Variants in PARD6G observed in about 807,000 individuals in gnomAD.
The protein encoded by PARD6G is partitioning defective 6 homolog gamma.
PARD6G carries 7 observed loss-of-function variants against 10.7 expected under a neutral mutation model. That is an observed-to-expected ratio of 0.66 (90% CI 0.37 to 1.23). The LOEUF is 1.23. Among genes scored for constraint, PARD6G ranks in the 50% most tolerant of loss-of-function variants. The pLI is 0.02. For missense variants in PARD6G, 548 were observed against 571.8 expected (o/e 0.96, Z 0.42); for synonymous variants, 287 against 269.4 (o/e 1.07, Z -0.64).
intron 1 of PARD6G, among the ~76,000 whole-genome samples, chr18:80,207,638 C>G (rs1967066472): frequency 6.6e-6 from 1 of 152,132 alleles, no homozygotes; most frequent in Non-Finnish European, 1.5e-5. Flanking sequence ...CATATTAGCT[C>G]TTTTTAAGTG....
chr18:80,193,994 C>T (rs1029370776), intron 2 of PARD6G, among the ~76,000 whole-genome samples: 1 of 152,088 alleles, frequency 6.6e-6, no homozygotes, highest in Non-Finnish European at 1.5e-5. Flanking sequence ...ATGGAAAGTA[C>T]AGAGATATGG....
At chr18:80,238,061 G>A (rs1462436024) in intron 1 of PARD6G, among the ~76,000 whole-genome samples, 6 of 152,124 alleles carry the variant, frequency 3.9e-5, no homozygotes, top group African/African-American at 7.2e-5. Flanking sequence ...TGTTTACTGC[G>A]GCACTGTTCA....
In PARD6G at chr18:80,223,532, G is replaced by A. The variant is rs377192373; in HGVS notation, c.73-20600C>T. 5.9e-5 allele frequency among the ~76,000 whole-genome samples: 9 copies of A among 152,126 alleles called. 1 individual carries two copies. Among genetic ancestry groups the A allele is most frequent in the Non-Finnish European group, 8.8e-5 (6 of 68,022 alleles). On this transcript the variant is annotated intron_variant, in intron 1 of 2. Transcript: ENST00000353265. ...TCAAAAGCATAGGAGTCACTACCTC[G>A]GACTCACCAGGTTGGCTGTAATAAA... is the stretch of plus-strand genomic sequence containing the variant.
chr18:80,176,580 G>A (rs2052808909), intron 2 of PARD6G, among the ~76,000 whole-genome samples: 1 of 152,188 alleles, frequency 6.6e-6, no homozygotes, highest in Non-Finnish European at 1.5e-5. Context: ...GTTGGCCAGG[G>A]TGGGGAGAAG....
chr18:80,177,617 C>G (rs920027326), intron 2 of PARD6G, among the ~76,000 whole-genome samples: 1 of 150,624 alleles, frequency 6.6e-6, no homozygotes, highest in Non-Finnish European at 1.5e-5. Flanking sequence ...CACAGACACA[C>G]AGAATAAATC....
At position 80,200,548 on chromosome 18, in the gene PARD6G, G is replaced by A. The variant is rs929758084; in HGVS notation, c.295+2162C>T. Among the ~76,000 whole-genome samples the A allele has an allele frequency of 5.9e-5, 9 of 152,060 alleles. No homozygotes were observed. Among genetic ancestry groups the A allele is most frequent in the African/African-American group, 2.2e-4 (9 of 41,374 alleles). ...TGTCACAAAGCCAGGGAGAAGGTGGGGTCTGAGTTCAGGTCTCCCTAGCTC... is the reference window on the plus strand; with the variant it reads ...TGTCACAAAGCCAGGGAGAAGGTGGAGTCTGAGTTCAGGTCTCCCTAGCTC... On this transcript the variant is annotated intron_variant, in intron 2 of 2. Transcript: ENST00000353265. This position sits in a 1 kb window ranked among gnomAD's most constrained non-coding sequence, Gnocchi z 4.4.
At position 80,159,841 on chromosome 18, in the gene PARD6G, G is replaced by C. The variant is rs555385464; in HGVS notation, c.1061C>G (p.Ala354Gly). 9.8e-5 allele frequency: 146 copies of C among 1,495,132 alleles called. 1 individual carries two copies. The African/African-American group carries it at 1.9e-3, about 20-fold the overall frequency. 92.6% of individuals were successfully genotyped at this position (1,495,132 alleles called of 1,614,324 possible). ...GLQRLLSSLR[A>G]DPRHSLALPP... ...CAGCGCCAGGCTGTGACGGGGGTCG[G>C]CCCGCAGGGAGCTGAGCAGCCGCTG... is the stretch of plus-strand genomic sequence containing the variant. Residue 354 changes from alanine (A) to glycine (G), a missense_variant, in exon 3 of 3, where the codon GCC (alanine) becomes GGC (glycine). Ala to Gly is a moderately conservative substitution (Grantham distance 60). Transcript: ENST00000353265.
At chr18:80,217,110 C>T (rs998305798) in intron 1 of PARD6G, among the ~76,000 whole-genome samples, 2 of 152,100 alleles carry the variant, frequency 1.3e-5, no homozygotes, top group African/African-American at 4.8e-5. Context: ...CAAAACAAAA[C>T]AAAGCCCATA....
At chr18:80,237,605 A>T (rs1190032778) in intron 1 of PARD6G, among the ~76,000 whole-genome samples, 1 of 152,248 alleles carries the variant, frequency 6.6e-6, no homozygotes, top group Admixed American at 6.5e-5. Flanking sequence ...TACTCATCTG[A>T]CAAAGGGCTA....
chr18:80,165,080 G>A (rs918993754), intron 2 of PARD6G, among the ~76,000 whole-genome samples: 7 of 152,284 alleles, frequency 4.6e-5, no homozygotes, highest in Admixed American at 2.0e-4. Flanking sequence ...AACAGGGTTC[G>A]AGAGCAGAGA....
intron 2 of PARD6G, among the ~76,000 whole-genome samples, chr18:80,199,494 T>A (rs566421621): frequency 6.6e-6 from 1 of 152,366 alleles, no homozygotes; most frequent in South Asian, 2.1e-4. Context: ...CTATGAACAT[T>A]CGTGTACTTT....
At position 80,202,712 on chromosome 18, in the gene PARD6G, C is replaced by T. The variant is rs756996372; in HGVS notation, c.293G>A (p.Arg98Gln). Residue 98 changes from arginine to glutamine, a missense_variant and splice_region_variant, in exon 2 of 3, where the codon CGA becomes CAA. Physicochemically the swap from Arg to Gln is conservative, Grantham distance 43 (BLOSUM62 1). This residue lies in a region of PARD6G where 235 missense variants were observed against 291.9 expected (regional missense o/e 0.81). Coordinates refer to ENST00000353265, the MANE Select transcript of PARD6G (RefSeq NM_032510.4). ...NPLLRVFIQK[R>Q]EEAERGSLGA... ...CGGCCACTCAACCACTTCAGTACCT[C>T]GTTTCTGGATGAAGACCCTGAGCAG... 10 of 1,612,374 alleles carry T rather than the reference C, an allele frequency of 6.2e-6. No homozygotes were observed. In the East Asian group the frequency reaches 6.7e-5, roughly 11 times the overall value.
In PARD6G at chr18:80,189,605, C is replaced by T. The variant is rs1191070281; in HGVS notation, c.295+13105G>A. ...GCTAACTGACACCACGTCAGGAGCC[C>T]ACCAGGCCAGGCAGGTCACCCTGGC... On this transcript the variant is annotated intron_variant, in intron 2 of 2. Coordinates refer to ENST00000353265, the MANE Select transcript of PARD6G (RefSeq NM_032510.4). The surrounding 1 kb of genome is among the most constrained non-coding windows in gnomAD (Gnocchi z 5.5). Among the ~76,000 whole-genome samples the T allele has an allele frequency of 6.6e-6, 1 of 152,140 alleles. No homozygotes were observed. The highest frequency in any genetic ancestry group is 1.5e-5 in the Non-Finnish European group (1 of 68,022).
chr18:80,210,808 C>T (rs74800556), intron 1 of PARD6G, among the ~76,000 whole-genome samples: 1 of 152,162 alleles, frequency 6.6e-6, no homozygotes, highest in Non-Finnish European at 1.5e-5. Context: ...AATGAACTTA[C>T]AACGAGTTAC....
intron 2 of PARD6G, among the ~76,000 whole-genome samples, chr18:80,164,462 G>A (rs760691589): frequency 1.3e-4 from 19 of 151,876 alleles, no homozygotes; most frequent in African/African-American, 2.7e-4. Flanking sequence ...TGTTTCCACC[G>A]GGTCCACACT....
intron 1 of PARD6G, among the ~76,000 whole-genome samples, chr18:80,230,307 C>A (rs745436718): frequency 2.0e-5 from 3 of 152,346 alleles, no homozygotes; most frequent in Middle Eastern, 6.8e-3. Context: ...CTAAGAAACA[C>A]AGAAAGAACT....
In PARD6G at chr18:80,159,798, C is replaced by G; in HGVS notation, c.1104G>C (p.Glu368Asp). 6.9e-7 allele frequency: 1 copy of G among 1,453,520 alleles called. No homozygotes were observed. The highest frequency in any genetic ancestry group is 9.0e-7 in the Non-Finnish European group (1 of 1,109,360). 90.0% of individuals were successfully genotyped at this position (1,453,520 alleles called of 1,614,324 possible). A position where few individuals can be genotyped will look rare whatever the true frequency, so the allele number is the denominator to read the frequency against. Residue 368 changes from glutamate (E) to aspartate (D), a missense_variant, in exon 3 of 3, where the codon GAG (glutamate) becomes GAC (aspartate). Physicochemically the swap from Glu to Asp is conservative, Grantham distance 45. Around this residue, in one of 2 missense-constraint regions of PARD6G, gnomAD observed 313 missense variants for 279.9 expected, o/e 1.12. Transcript: ENST00000353265. ...HSLALPPGGV[E>D]EHGPAVTL ...AGAGCGTGACCGCGGGCCCGTGCTCCTCCACGCCGCCTGGCGGCAGCGCCA... is the reference window on the plus strand; with the variant it reads ...AGAGCGTGACCGCGGGCCCGTGCTCGTCCACGCCGCCTGGCGGCAGCGCCA...
At chr18:80,213,889 C>T (rs1216530895) in intron 1 of PARD6G, among the ~76,000 whole-genome samples, 7 of 138,090 alleles carry the variant, frequency 5.1e-5, no homozygotes, top group African/African-American at 1.9e-4. Flanking sequence ...ATCCGGAAGG[C>T]AGAGCTTGCA....
At chr18:80,222,362 T>G (rs1366548610) in intron 1 of PARD6G, among the ~76,000 whole-genome samples, 1 of 152,184 alleles carries the variant, frequency 6.6e-6, no homozygotes, top group Non-Finnish European at 1.5e-5. Context: ...GTGTTGGGAC[T>G]ATAAGCATGA....
Sources: allele counts gnomAD v4.1 joint callset (sites outside exome capture counted in the v4.1 genomes callset), GRCh38; gene constraint gnomAD v4.1.1; regional missense constraint gnomAD v4.1.1; non-coding constraint Gnocchi (gnomAD v3.1); transcripts MANE v1.5; gene names NCBI Gene and HGNC (gene_info 2026-07-23, HGNC 2026-07-21).